GRAP2: variants seen among roughly 807,000 people sequenced by gnomAD.
GRAP2 encodes GRB2-related adapter protein 2.
A neutral mutation model predicts 43.5 loss-of-function variants in GRAP2; 31 were observed. That is an observed-to-expected ratio of 0.71 (90% CI 0.54 to 0.96). The LOEUF is 0.96. Ranked by LOEUF, GRAP2 falls within the 40% of genes least tolerant of loss-of-function variation. The pLI is 0.00. For synonymous variants in GRAP2, 156 were observed against 164.8 expected (o/e 0.95, Z 0.41); for missense variants, 371 against 424.4 (o/e 0.87, Z 1.11).
At chr22:39,966,499 T>C (rs2067175990) in intron 5 of GRAP2, among the ~76,000 whole-genome samples, 1 of 152,224 alleles carries the variant, frequency 6.6e-6, no homozygotes, top group Non-Finnish European at 1.5e-5. Flanking sequence ...GGTGCTGTTT[T>C]TTTGTTATTC....
intron 1 of GRAP2, among the ~76,000 whole-genome samples, chr22:39,931,538 G>A (rs1194783472): frequency 1.3e-5 from 2 of 152,136 alleles, no homozygotes; most frequent in African/African-American, 4.8e-5. Context: ...ATACATGGGT[G>A]GTACAAGTAA....
intron 3 of GRAP2, among the ~76,000 whole-genome samples, chr22:39,957,707 G>A (rs1198454772): frequency 6.6e-6 from 1 of 152,198 alleles, no homozygotes; most frequent in Non-Finnish European, 1.5e-5. Context: ...GGCTGAGGGA[G>A]GAGGATCACT....
chr22:39,921,710 A>G (rs1203612723), intron 1 of GRAP2, among the ~76,000 whole-genome samples: 1 of 152,242 alleles, frequency 6.6e-6, no homozygotes, highest in African/African-American at 2.4e-5. Flanking sequence ...ACACACAGAA[A>G]TATTGTCTAG....
rs1313400817 is a variant in GRAP2 at position 39,973,426 on chromosome 22, C to T, written c.*2342C>T. 2 of 152,250 alleles carry T rather than the reference C, an allele frequency of 1.3e-5. No homozygotes were observed. Among genetic ancestry groups the T allele is most frequent in the African/African-American group, 2.4e-5 (1 of 41,458 alleles). 9.4% of individuals were successfully genotyped at this position (152,250 alleles called of 1,614,324 possible). A position where few individuals can be genotyped will look rare whatever the true frequency, so the allele number is the denominator to read the frequency against. On this transcript the variant is annotated 3_prime_UTR_variant, in exon 8 of 8. Coordinates refer to ENST00000344138, the MANE Select transcript of GRAP2 (RefSeq NM_004810.4). ...GGGGGTGACAGGGGTCATCGGCCTG[C>T]AGGAGCTGACCCCGTAGGCAGGCGG...
intron 3 of GRAP2, among the ~76,000 whole-genome samples, chr22:39,959,505 C>T (rs1395714540): frequency 6.6e-6 from 1 of 152,134 alleles, no homozygotes; most frequent in Non-Finnish European, 1.5e-5. Flanking sequence ...GCAAAGCCCC[C>T]TTGTGCTCCA....
chr22:39,942,302 C>T (rs1306172984), intron 1 of GRAP2, among the ~76,000 whole-genome samples: 2 of 152,060 alleles, frequency 1.3e-5, no homozygotes, highest in Non-Finnish European at 2.9e-5. Flanking sequence ...CTACTGTCTC[C>T]GAGAGGGGCT....
chr22:39,906,603 TTGCCAAATTGGTTC>T (rs2066525201), intron 1 of GRAP2, among the ~76,000 whole-genome samples: 1 of 152,246 alleles, frequency 6.6e-6, no homozygotes, highest in African/African-American at 2.4e-5. Flanking sequence ...AACACAGTCA[TTGCCAAATTGGTTC>T]TGCCTTTTTA....
intron 1 of GRAP2, among the ~76,000 whole-genome samples, chr22:39,927,438 A>C (rs1030746886): frequency 3.3e-5 from 5 of 152,252 alleles, no homozygotes; most frequent in Non-Finnish European, 7.3e-5. Context: ...GCTGAAAAGC[A>C]GACATGTTTA....
intron 1 of GRAP2, among the ~76,000 whole-genome samples, chr22:39,912,951 G>T (rs189892072): frequency 1.2e-3 from 187 of 152,242 alleles, no homozygotes; most frequent in African/African-American, 4.2e-3. Flanking sequence ...CCAGCACTTT[G>T]GGTGTCCGAG....
intron 1 of GRAP2, among the ~76,000 whole-genome samples, chr22:39,924,887 A>G (rs1414570948): frequency 4.6e-5 from 7 of 152,196 alleles, no homozygotes; most frequent in African/African-American, 1.2e-4. Context: ...TCACCAATGA[A>G]CAACATAGTA....
chr22:39,935,127 G>A (rs1222853087), intron 1 of GRAP2, among the ~76,000 whole-genome samples: 1 of 152,098 alleles, frequency 6.6e-6, no homozygotes, highest in African/African-American at 2.4e-5. Flanking sequence ...AGGACTCTGG[G>A]GTTATTTCAG....
chr22:39,970,348 T>C (rs1367848312), intron 7 of GRAP2, among the ~76,000 whole-genome samples: 1 of 152,196 alleles, frequency 6.6e-6, no homozygotes, highest in African/African-American at 2.4e-5. Context: ...CCCACAGTGC[T>C]GGGATTACAG....
Position 39,901,310 on chromosome 22 carries a change from C to A in GRAP2, c.-35C>A. 6 of 1,253,372 alleles carry A rather than the reference C, an allele frequency of 4.8e-6. No homozygotes were observed. The South Asian group carries it at 7.5e-5, about 16-fold the overall frequency. 77.6% of individuals were successfully genotyped at this position (1,253,372 alleles called of 1,614,324 possible). On this transcript the variant is annotated 5_prime_UTR_variant, in exon 1 of 8. Transcript: ENST00000344138. ...CGGTGTCAAAGCCAAGACATAAACT[C>A]AACCCCTTCTCTTCCAAAAGGTATG...
intron 3 of GRAP2, among the ~76,000 whole-genome samples, chr22:39,956,628 C>A (rs2145656304): frequency 6.6e-6 from 1 of 152,074 alleles, no homozygotes; most frequent in East Asian, 1.9e-4. Context: ...GCCACCACAC[C>A]CAGCTAACTT....
At chr22:39,896,841 C>G (rs1406928382), upstream of GRAP2, among the ~76,000 whole-genome samples, 2 of 152,176 alleles carry the variant, frequency 1.3e-5, no homozygotes, top group Admixed American at 6.5e-5. Flanking sequence ...AAATATTGCT[C>G]TATGGTAGCT....
At position 39,969,445 on chromosome 22, in the gene GRAP2, G is replaced by A; in HGVS notation, c.725G>A (p.Gly242Glu). Residue 242 changes from glycine (G) to glutamate (E), a missense_variant, in exon 7 of 8, where the codon GGG becomes GAG. Coordinates refer to ENST00000344138, the MANE Select transcript of GRAP2 (RefSeq NM_004810.4). ...GGAGGCAGCCTTGACATAAATGATG[G>A]GCATTGTGGCACCGGCTTGGGCAGT... ...RRGGSLDIND[G>E]HCGTGLGSEM... 1 of 1,613,972 alleles carries A rather than the reference G, an allele frequency of 6.2e-7. No individual in the cohort carries two copies. The highest frequency in any genetic ancestry group is 8.5e-7 in the Non-Finnish European group (1 of 1,179,888).
At chr22:39,918,097 GT>G (rs949745093) in intron 1 of GRAP2, among the ~76,000 whole-genome samples, 1 of 152,186 alleles carries the variant, frequency 6.6e-6, no homozygotes, top group Non-Finnish European at 1.5e-5. Context: ...GTAAGAGGTA[GT>G]TAACAAAGTG....
chr22:39,908,119 T>C (rs2066535649), intron 1 of GRAP2, among the ~76,000 whole-genome samples: 1 of 152,228 alleles, frequency 6.6e-6, no homozygotes, highest in Non-Finnish European at 1.5e-5. Flanking sequence ...AGACTGTGTG[T>C]TCTCTGAAGC....
At chr22:39,952,328 C>T (rs1050153486) in intron 2 of GRAP2, among the ~76,000 whole-genome samples, 2 of 152,114 alleles carry the variant, frequency 1.3e-5, no homozygotes, top group African/African-American at 2.4e-5. Context: ...CACCCGGCCT[C>T]AACGTGTGGT....
Sources: allele counts gnomAD v4.1 joint callset (sites outside exome capture counted in the v4.1 genomes callset), GRCh38; gene constraint gnomAD v4.1.1; transcripts MANE v1.5; gene names NCBI Gene and HGNC (gene_info 2026-07-23, HGNC 2026-07-21).